The following EYS variants were observed in gnomAD, a reference collection of about 807,000 sequenced individuals.
The protein encoded by EYS is EGF-like photoreceptor maintenance factor.
In EYS, 250 loss-of-function variants were observed where a neutral mutation model predicts 282.1. The observed-to-expected ratio is 0.89, with a 90% confidence interval of 0.80 to 0.98. The LOEUF (loss-of-function observed/expected upper bound fraction) is 0.98. Ranked by LOEUF, EYS falls within the 50% of genes least tolerant of loss-of-function variation. The pLI is 0.00. For synonymous variants in EYS, 1,355 were observed against 1,282.9 expected (o/e 1.06, Z -1.20); for missense variants, 4,016 against 3,709.0 (o/e 1.08, Z -2.15).
At chr6:64,676,871 C>T (rs527847455) in intron 22 of EYS, among the ~76,000 whole-genome samples, 1 of 152,096 alleles carries the variant, frequency 6.6e-6, no homozygotes, top group Non-Finnish European at 1.5e-5. Flanking sequence ...TAATCATCTC[C>T]GAAAGGTCCC....
intron 26 of EYS, among the ~76,000 whole-genome samples, chr6:64,504,789 G>C (rs1024947093): frequency 6.6e-6 from 1 of 152,220 alleles, no homozygotes; most frequent in Non-Finnish European, 1.5e-5. Flanking sequence ...AGTTGAGAGA[G>C]AGAAGTTCCA....
chr6:65,031,693 G>A (rs1412011949), intron 13 of EYS, among the ~76,000 whole-genome samples: 1 of 151,962 alleles, frequency 6.6e-6, no homozygotes, highest in African/African-American at 2.4e-5. Flanking sequence ...TGAAAACAAA[G>A]ATATAATTTA....
chr6:65,330,912 C>T (rs73443148), intron 11 of EYS: 34,036 of 980,114 alleles, frequency 0.035, 1,145 homozygotes, highest in African/African-American at 0.16. Context: ...TTCCTCAATA[C>T]CATTTACTAA....
chr6:64,568,063 A>C (rs1276525369), intron 26 of EYS, among the ~76,000 whole-genome samples: 1 of 152,228 alleles, frequency 6.6e-6, no homozygotes, highest in Non-Finnish European at 1.5e-5. Flanking sequence ...CAAAATAAAT[A>C]GAATTTTCTG....
At chr6:63,999,216 T>C in intron 33 of EYS, 33 bp from the exon 34 acceptor site, 4 of 1,449,212 alleles carry the variant, frequency 2.8e-6, no homozygotes, top group Non-Finnish European at 2.8e-6. Flanking sequence ...CATTATGATA[T>C]GTGTTTTTGG....
chr6:64,558,562 A>T (rs1484771002), intron 26 of EYS, among the ~76,000 whole-genome samples: 2 of 152,152 alleles, frequency 1.3e-5, no homozygotes, highest in Non-Finnish European at 2.9e-5. Flanking sequence ...AAAAAAACAC[A>T]AACTAATTAG....
intron 1 of EYS, among the ~76,000 whole-genome samples, chr6:65,644,858 C>T (rs548592086): frequency 2.1e-4 from 32 of 152,206 alleles, no homozygotes; most frequent in Admixed American, 5.9e-4. Context: ...TCCAGTCAAA[C>T]AAAAGCTGTG....
chr6:64,950,798 CAT>C lies in EYS; in HGVS notation c.2260-4886_2260-4885del, dbSNP rs1171736217. ...AAAAATATATACACATATACATATACATATATATATATATATATATATATATA... is the reference window on the plus strand; with the variant it reads ...AAAAATATATACACATATACATATACATATATATATATATATATATATATA... On this transcript the variant is annotated intron_variant, in intron 14 of 42. Coordinates refer to ENST00000503581, the MANE Select transcript of EYS (RefSeq NM_001142800.2). Among the ~76,000 whole-genome samples, 476 of 54,220 alleles carry C rather than the reference CAT, an allele frequency of 8.8e-3. 2 individuals carry two copies. Among genetic ancestry groups the C allele is most frequent in the South Asian group, 0.04 (55 of 1,384 alleles). The allele number at this position is 54,220 out of a possible 152,430, so 35.6% of individuals were successfully genotyped here.
At chr6:64,869,228 T>A (rs893662681) in intron 19 of EYS, among the ~76,000 whole-genome samples, 7 of 151,566 alleles carry the variant, frequency 4.6e-5, no homozygotes, top group Non-Finnish European at 8.9e-5. Flanking sequence ...GAACATTTGT[T>A]CAGACTATTA....
intron 31 of EYS, among the ~76,000 whole-genome samples, chr6:64,088,084 T>C (rs540759802): frequency 6.6e-6 from 1 of 152,218 alleles, no homozygotes; most frequent in African/African-American, 2.4e-5. Flanking sequence ...ACATTTGCTA[T>C]TGAATTGCTT....
intron 19 of EYS, among the ~76,000 whole-genome samples, chr6:64,829,971 C>G (rs9453078): frequency 6.6e-6 from 1 of 151,686 alleles, no homozygotes; most frequent in Non-Finnish European, 1.5e-5. Flanking sequence ...GCTCTTTGTG[C>G]TAAGAAACTA....
rs1163423724 is a variant in EYS, at chr6:64,516,854, T to C, written c.5644+73369A>G. ...CTCCAAAGTAATGTAGAAAAACGTT[T>C]TTAATTTAATTGTAGAAAAAATATA... On this transcript the variant is annotated intron_variant, in intron 26 of 42. Coordinates refer to ENST00000503581, the MANE Select transcript of EYS (RefSeq NM_001142800.2). 2.6e-5 allele frequency among the ~76,000 whole-genome samples: 4 copies of C among 151,824 alleles called. 1 individual carries two copies. The highest frequency in any genetic ancestry group is 2.6e-4 in the Admixed American group (4 of 15,184).
intron 12 of EYS, among the ~76,000 whole-genome samples, chr6:65,259,802 C>A (rs1258191882): frequency 6.6e-6 from 1 of 151,896 alleles, no homozygotes; most frequent in Admixed American, 6.6e-5. Flanking sequence ...GAAAATTCAA[C>A]CAAAAGTACA....
rs528871124 is a variant in EYS at position 65,690,116 on chromosome 6, G to C, written c.-448+17019C>G. On this transcript the variant is annotated intron_variant, in intron 1 of 42. Coordinates refer to ENST00000503581, the MANE Select transcript of EYS (RefSeq NM_001142800.2). ...GTATGCAGAAGTACAGTATACAGAG[G>C]TAAGAATTTACAATATAGTGTGTGC... Among the ~76,000 whole-genome samples the C allele has an allele frequency of 4.7e-5, 7 of 150,106 alleles. 1 individual carries two copies. Among genetic ancestry groups the C allele is most frequent in the Non-Finnish European group, 8.9e-5 (6 of 67,700 alleles).
intron 30 of EYS, among the ~76,000 whole-genome samples, chr6:64,274,399 T>C (rs1373124709): frequency 8.7e-5 from 13 of 149,638 alleles, no homozygotes; most frequent in African/African-American, 3.2e-4. Context: ...CTCAAACTCC[T>C]GGGCCCAAGC....
At chr6:65,441,242 T>C (rs1768313381) in intron 5 of EYS, among the ~76,000 whole-genome samples, 1 of 151,722 alleles carries the variant, frequency 6.6e-6, no homozygotes, top group South Asian at 2.1e-4. Flanking sequence ...CATTGCACAT[T>C]ATGTCTCTTC....
chr6:64,713,990 T>C (rs919860171), intron 22 of EYS, among the ~76,000 whole-genome samples: 7 of 152,196 alleles, frequency 4.6e-5, no homozygotes, highest in Non-Finnish European at 8.8e-5. Flanking sequence ...AAGCTATATA[T>C]TTTCAGAGAA....
intron 39 of EYS, among the ~76,000 whole-genome samples, chr6:63,780,169 C>T (rs1175401139): frequency 6.6e-6 from 1 of 152,148 alleles, no homozygotes; most frequent in African/African-American, 2.4e-5. Context: ...TGGGTTGGTT[C>T]CAAGTCTTTG....
chr6:64,345,573 G>T (rs140843531), intron 29 of EYS, among the ~76,000 whole-genome samples: 6 of 151,676 alleles, frequency 4.0e-5, no homozygotes, highest in Admixed American at 2.0e-4. Flanking sequence ...AAGACTTAAA[G>T]GTTAGACCTA....
Sources: allele counts gnomAD v4.1 joint callset (sites outside exome capture counted in the v4.1 genomes callset), GRCh38; gene constraint gnomAD v4.1.1; transcripts MANE v1.5; gene names NCBI Gene and HGNC (gene_info 2026-07-23, HGNC 2026-07-21).